Variants in SHLD1 observed in about 807,000 individuals in gnomAD.
SHLD1 encodes the protein RINN1-REV7-interacting novel NHEJ regulator 3.
SHLD1 carries 3 observed loss-of-function variants against 5.5 expected under a neutral mutation model. The observed-to-expected ratio is 0.54, with a 90% CI of 0.25 to 1.40. The LOEUF (loss-of-function observed/expected upper bound fraction) is 1.40. Ranked by LOEUF, SHLD1 falls within the 40% of genes most tolerant of loss-of-function variation. The pLI is 0.15. For synonymous variants in SHLD1, 92 were observed against 94.3 expected (o/e 0.98, Z 0.14); for missense variants, 210 against 244.4 (o/e 0.86, Z 0.94).
chr20:5,756,976 A>G (rs113400638), intron 1 of SHLD1: 2,177 of 154,176 alleles, frequency 0.014, 55 homozygotes, highest in African/African-American at 0.05. Flanking sequence ...AGACATCCTT[A>G]TCTTGTTCCT....
At chr20:5,773,307 A>G (rs1985274970) in intron 2 of SHLD1, 1 of 608,412 alleles carries the variant, frequency 1.6e-6, no homozygotes. Flanking sequence ...ATCTCCCTCA[A>G]AATGAATTCA....
chr20:5,780,676 A>T (rs749376033), intron 2 of SHLD1, among the ~76,000 whole-genome samples: 5 of 152,182 alleles, frequency 3.3e-5, no homozygotes, highest in Non-Finnish European at 7.4e-5. Context: ...GCTGCCCCTG[A>T]CCATGGGCCT....
chr20:5,846,010 A>G (rs142426197), intron 2 of SHLD1, among the ~76,000 whole-genome samples: 5 of 152,324 alleles, frequency 3.3e-5, no homozygotes, highest in Middle Eastern at 3.4e-3. Context: ...ATGGAATGAA[A>G]TCTGTTTACA....
chr20:5,755,770 G>T (rs774074513), intron 1 of SHLD1, among the ~76,000 whole-genome samples: 52 of 151,998 alleles, frequency 3.4e-4, no homozygotes, highest in South Asian at 8.3e-4. Flanking sequence ...TGTTGGTCAG[G>T]GTGGTCTCAA....
In SHLD1 at chr20:5,805,908, G is replaced by T. The variant is rs55671275; in HGVS notation, c.178+32865G>T. On this transcript the variant is annotated intron_variant, in intron 2 of 2. Transcript: ENST00000303142. ...GAGCCACTGCGCCTGGCCTAAATTT[G>T]TGTTTAATATGGCAGGAGTGACGGC... is the stretch of plus-strand genomic sequence containing the variant. Among the ~76,000 whole-genome samples, 1,490 of 152,280 alleles carry T rather than the reference G, an allele frequency of 9.8e-3. 22 individuals carry two copies. The highest frequency in any genetic ancestry group is 0.034 in the African/African-American group (1,414 of 41,568).
chr20:5,764,164 A>ATATATATTT (rs1555768348), intron 1 of SHLD1, among the ~76,000 whole-genome samples: 1 of 95,074 alleles, frequency 1.1e-5, no homozygotes, highest in African/African-American at 4.3e-5. Context: ...ATATTTATAT[A>ATATATATTT]TATATATATA....
intron 1 of SHLD1, among the ~76,000 whole-genome samples, chr20:5,752,192 T>C (rs1403782745): frequency 3.3e-5 from 5 of 151,998 alleles, no homozygotes; most frequent in African/African-American, 1.2e-4. Flanking sequence ...GGTCAGGAGT[T>C]CAAGACCAGC....
intron 2 of SHLD1, among the ~76,000 whole-genome samples, chr20:5,803,575 TA>T (rs1317528098): frequency 6.6e-6 from 1 of 150,700 alleles, no homozygotes; most frequent in African/African-American, 2.4e-5. Flanking sequence ...ATTTAACATT[TA>T]AAAAAAAACA....
At chr20:5,837,706 A>G (rs2087807424) in intron 2 of SHLD1, among the ~76,000 whole-genome samples, 2 of 152,206 alleles carry the variant, frequency 1.3e-5, no homozygotes, top group South Asian at 4.1e-4. Flanking sequence ...CCTGCTGTTG[A>G]CCAGAAGCCT....
At chr20:5,770,814 C>T (rs1452815552) in intron 1 of SHLD1, among the ~76,000 whole-genome samples, 5 of 152,164 alleles carry the variant, frequency 3.3e-5, no homozygotes, top group Admixed American at 1.3e-4. Context: ...CCTAGTCAAG[C>T]GGCTGAAGCA....
chr20:5,780,803 C>T (rs553267071), intron 2 of SHLD1, among the ~76,000 whole-genome samples: 1 of 152,312 alleles, frequency 6.6e-6, no homozygotes, highest in African/African-American at 2.4e-5. Context: ...CCTCCATTCC[C>T]CTCTGGACTA....
chr20:5,775,923 A>ATTTTTTTTTCTTTTTTT (rs1985403243), intron 2 of SHLD1, among the ~76,000 whole-genome samples: 1 of 77,678 alleles, frequency 1.3e-5, no homozygotes, highest in African/African-American at 6.0e-5. Flanking sequence ...TCAGCTCAGG[A>ATTTTTTTTTCTTTTTTT]TTTTTTTTTT....
At position 5,825,598 on chromosome 20, in the gene SHLD1, G is replaced by A. The variant is rs199890977; in HGVS notation, c.179-37426G>A. Among the ~76,000 whole-genome samples the A allele has an allele frequency of 2.0e-5, 3 of 152,178 alleles. No homozygotes were observed. In the East Asian group the frequency reaches 5.8e-4, roughly 29 times the overall value. On this transcript the variant is annotated intron_variant, in intron 2 of 2. Coordinates refer to ENST00000303142, the MANE Select transcript of SHLD1 (RefSeq NM_152504.4). Reference sequence around the variant, plus strand: ...ATATGCCACTTAAAATAACAAGGCCGGCACAGTGGCTCATGCCTGTAATCC... The same window carrying A: ...ATATGCCACTTAAAATAACAAGGCCAGCACAGTGGCTCATGCCTGTAATCC...
At chr20:5,818,111 G>C (rs6139845) in intron 2 of SHLD1, among the ~76,000 whole-genome samples, 23,686 of 150,030 alleles carry the variant, frequency 0.16, 2,143 homozygotes, top group East Asian at 0.3. Context: ...TTTTGAGACA[G>C]CCTTGCTCTG....
chr20:5,770,652 T>C (rs742648), intron 1 of SHLD1, among the ~76,000 whole-genome samples: 2,439 of 152,280 alleles, frequency 0.016, 64 homozygotes, highest in African/African-American at 0.055. Context: ...GTGGTTTAAT[T>C]CATCCATTGC....
chr20:5,860,995 G>A (rs1212168755), intron 2 of SHLD1, among the ~76,000 whole-genome samples: 9 of 150,994 alleles, frequency 6.0e-5, no homozygotes, highest in South Asian at 2.1e-4. Context: ...TTTACAAAGC[G>A]TGTTCTCTGT....
At chr20:5,804,101 A>C (rs1045548072) in intron 2 of SHLD1, among the ~76,000 whole-genome samples, 27 of 151,552 alleles carry the variant, frequency 1.8e-4, no homozygotes, top group South Asian at 6.3e-4. Flanking sequence ...ACTTGAGGCC[A>C]GGAGTTTGAG....
intron 2 of SHLD1, among the ~76,000 whole-genome samples, chr20:5,813,230 G>A (rs972339679): frequency 3.3e-5 from 5 of 151,860 alleles, no homozygotes; most frequent in Admixed American, 6.6e-5. Context: ...GCTCACGTCT[G>A]TAATCCCAGC....
intron 2 of SHLD1, among the ~76,000 whole-genome samples, chr20:5,852,127 C>T (rs185490966): frequency 6.6e-6 from 1 of 152,144 alleles, no homozygotes; most frequent in Non-Finnish European, 1.5e-5. Flanking sequence ...CAGCGCCATG[C>T]TTGTACAGCC....
Sources: gnomAD v4.1 joint callset for allele counts (sites outside exome capture counted in the v4.1 genomes callset) on GRCh38, gnomAD v4.1.1 for gene constraint, MANE v1.5 for transcripts, NCBI Gene and HGNC (gene_info 2026-07-23, HGNC 2026-07-21) for gene names.